Variants in CDH10 observed in about 807,000 individuals in gnomAD.
The protein encoded by CDH10 is cadherin 10, also known as cadherin-10.
A neutral mutation model predicts 73.1 loss-of-function variants in CDH10; 30 were observed. The ratio of observed to expected loss-of-function variants is 0.41; its 90% CI spans 0.31 to 0.56. The LOEUF (loss-of-function observed/expected upper bound fraction) is 0.56. Among genes scored for constraint, CDH10 ranks in the 20% least tolerant of loss-of-function variants. The pLI is 0.27. For synonymous variants in CDH10, 345 were observed against 348.2 expected, an observed-to-expected ratio of 0.99 and a Z score of 0.10; for missense variants, 815 against 973.7, an observed-to-expected ratio of 0.84 and a Z score of 2.17.
chr5:24,563,597 C>CAAAAAAAAAAAAAAAAA (rs70965616), intron 2 of CDH10, among the ~76,000 whole-genome samples: 5 of 88,646 alleles, frequency 5.6e-5, no homozygotes, highest in Non-Finnish European at 8.4e-5. Context: ...ACTAAAAATA[C>CAAAAAAAAAAAAAAAAA]AAAAAAAAAA....
rs2111598562 is a variant in CDH10, at chr5:24,487,689, C to T, written c.2341G>A (p.Gly781Ser). The T allele has an allele frequency of 6.2e-7, 1 of 1,612,784 alleles. No individual in the cohort carries two copies. ...RFNKLAEMYG[G>S]GESDKDS ...TAAGAGTCTTTGTCACTTTCCCCACCACCATACATTTCTGCTAGCTTATTA... is the reference window on the plus strand; with the variant it reads ...TAAGAGTCTTTGTCACTTTCCCCACTACCATACATTTCTGCTAGCTTATTA... Residue 781 changes from glycine (G) to serine (S), a missense_variant, in exon 12 of 12, where the codon GGT (glycine) becomes AGT (serine). Transcript: ENST00000264463.
chr5:24,593,109 A>T, intron 2 of CDH10, 151 bp downstream of exon 2: 1 of 552,582 alleles, frequency 1.8e-6, no homozygotes, highest in Non-Finnish European at 3.2e-6. Context: ...AGTTTTTATC[A>T]AATTGGAATT....
chr5:24,586,607 T>A (rs2112073799), intron 2 of CDH10, among the ~76,000 whole-genome samples: 1 of 150,264 alleles, frequency 6.7e-6, no homozygotes. Context: ...CATGCCCGGA[T>A]AATTTTTTTG....
intron 2 of CDH10, among the ~76,000 whole-genome samples, chr5:24,585,960 C>G (rs907758240): frequency 1.3e-5 from 2 of 152,148 alleles, no homozygotes; most frequent in Non-Finnish European, 2.9e-5. Flanking sequence ...CAAATAGCGA[C>G]AGAGGAGTGT....
intron 1 of CDH10, among the ~76,000 whole-genome samples, chr5:24,628,573 G>C (rs1041485286): frequency 4.6e-5 from 7 of 152,088 alleles, no homozygotes; most frequent in African/African-American, 1.7e-4. Flanking sequence ...CATGTAAAAT[G>C]ACAAGAACAG....
At position 24,487,768 on chromosome 5, in the gene CDH10, A is replaced by G. The variant is rs2111600860; in HGVS notation, c.2262T>C (p.Gly754=). The G allele has an allele frequency of 6.2e-7, 1 of 1,613,792 alleles. No individual in the cohort carries two copies. The highest frequency in any genetic ancestry group is 8.5e-7 in the Non-Finnish European group (1 of 1,179,894). The change falls in exon 12 of 12, where the codon GGT becomes GGC. Residue 754 remains glycine, a synonymous_variant. Transcript: ENST00000264463. ...IAESLSSLES[G]TTEGDQNYDY... ...CGTAGTTTTGGTCTCCTTCAGTAGTACCTGATTCTAATGAACTCAGAGATT... is the reference window on the plus strand; with the variant it reads ...CGTAGTTTTGGTCTCCTTCAGTAGTGCCTGATTCTAATGAACTCAGAGATT...
intron 4 of CDH10, 51 bp downstream of exon 4, chr5:24,535,651 TA>T: frequency 6.5e-7 from 1 of 1,538,926 alleles, no homozygotes; most frequent in Non-Finnish European, 8.9e-7. Flanking sequence ...TTTCTACTGA[TA>T]AAGGTCATAA....
Position 24,535,294 on chromosome 5 carries a change from A to T in CDH10, c.647-15T>A, listed in dbSNP as rs2111879606. ...CCTGATGATACCTTGAGAAAATATA[A>T]AAAAACTTCCATTATCTTCACTGAA... On this transcript the variant is annotated splice_polypyrimidine_tract_variant and intron_variant, in intron 4 of 11. Coordinates refer to ENST00000264463, the MANE Select transcript of CDH10 (RefSeq NM_006727.5). 1 of 1,595,938 alleles carries T rather than the reference A, an allele frequency of 6.3e-7. No individual in the cohort carries two copies. The highest frequency in any genetic ancestry group is 8.5e-7 in the Non-Finnish European group (1 of 1,174,508).
intron 1 of CDH10, chr5:24,612,523 G>A (rs547102129): frequency 1.3e-5 from 2 of 152,252 alleles, no homozygotes; most frequent in South Asian, 4.1e-4. Flanking sequence ...AGTTTACTCA[G>A]TGTCACAAAA....
chr5:24,606,240 T>C (rs9293139), intron 1 of CDH10, among the ~76,000 whole-genome samples: 29,800 of 152,094 alleles, frequency 0.2, 3,263 homozygotes, highest in East Asian at 0.28. Context: ...CAAAGTTGCA[T>C]GAAATGATGC....
intron 1 of CDH10, among the ~76,000 whole-genome samples, chr5:24,598,156 T>C (rs1746434292): frequency 6.6e-6 from 1 of 152,112 alleles, no homozygotes; most frequent in South Asian, 2.1e-4. Flanking sequence ...TACTTCCTTT[T>C]TATTCAGCTG....
intron 2 of CDH10, among the ~76,000 whole-genome samples, chr5:24,585,181 A>T (rs1745949943): frequency 6.6e-6 from 1 of 151,992 alleles, no homozygotes; most frequent in South Asian, 2.1e-4. Context: ...CGACTCTGAA[A>T]ACCTAGCAAG....
At chr5:24,507,679 T>TA (rs1264237736) in intron 7 of CDH10, among the ~76,000 whole-genome samples, 8 of 152,102 alleles carry the variant, frequency 5.3e-5, no homozygotes, top group Middle Eastern at 3.4e-3. Flanking sequence ...TGCTAAACCT[T>TA]AGAATCTCTA....
intron 5 of CDH10, among the ~76,000 whole-genome samples, chr5:24,524,893 A>G (rs1743470465): frequency 6.6e-6 from 1 of 152,072 alleles, no homozygotes; most frequent in Admixed American, 6.6e-5. Flanking sequence ...ATGATTTCAA[A>G]CAATTTTGAT....
At chr5:24,584,589 G>A (rs2112067475) in intron 2 of CDH10, among the ~76,000 whole-genome samples, 1 of 150,416 alleles carries the variant, frequency 6.6e-6, no homozygotes, top group Admixed American at 6.7e-5. Context: ...CCCTTCCTCA[G>A]CCCCCTGAGA....
chr5:24,555,200 G>GT (rs1485983180), intron 2 of CDH10, among the ~76,000 whole-genome samples: 6 of 151,994 alleles, frequency 3.9e-5, no homozygotes, highest in African/African-American at 1.4e-4. Context: ...ACTAAATGAG[G>GT]TTTTTTTGTG....
At chr5:24,634,023 C>T (rs1308130677) in intron 1 of CDH10, among the ~76,000 whole-genome samples, 1 of 151,788 alleles carries the variant, frequency 6.6e-6, no homozygotes, top group African/African-American at 2.4e-5. Flanking sequence ...GTCAATACTT[C>T]AAAAACGTAA....
At chr5:24,588,552 G>A (rs187502918) in intron 2 of CDH10, among the ~76,000 whole-genome samples, 2 of 152,190 alleles carry the variant, frequency 1.3e-5, no homozygotes, top group Admixed American at 1.3e-4. Context: ...TTTTAGCCTA[G>A]GAAGTCTGCA....
intron 5 of CDH10, among the ~76,000 whole-genome samples, chr5:24,517,147 A>C (rs1355339682): frequency 6.6e-6 from 1 of 152,138 alleles, no homozygotes; most frequent in African/African-American, 2.4e-5. Flanking sequence ...ATTCTCTACA[A>C]GAATAAAATG....
Sources: gnomAD v4.1 joint callset for allele counts (sites outside exome capture counted in the v4.1 genomes callset) on GRCh38, gnomAD v4.1.1 for gene constraint, MANE v1.5 for transcripts, NCBI Gene and HGNC (gene_info 2026-07-23, HGNC 2026-07-21) for gene names.